The following ST8SIA5 variants were observed in gnomAD, a reference collection of about 807,000 sequenced individuals.
ST8SIA5 encodes the protein alpha-2,8-sialyltransferase 8E.
ST8SIA5 carries 24 observed loss-of-function variants against 40.2 expected under a neutral mutation model. That is an observed-to-expected ratio of 0.60 (90% CI 0.43 to 0.84). The LOEUF (loss-of-function observed/expected upper bound fraction) is 0.84, where lower values mean the gene tolerates loss of function less well. ST8SIA5 is among the 40% of genes least tolerant of loss of function. The probability of loss-of-function intolerance (pLI) is 0.00; values close to 1 mark genes in which losing one functional copy is unlikely to be tolerated. For synonymous variants in ST8SIA5, 198 were observed against 201.8 expected (o/e 0.98, Z 0.16); for missense variants, 465 against 498.5 (o/e 0.93, Z 0.64).
intron 1 of ST8SIA5, among the ~76,000 whole-genome samples, chr18:46,706,074 C>T (rs923866285): frequency 1.3e-5 from 2 of 151,718 alleles, no homozygotes; most frequent in Non-Finnish European, 2.9e-5. Flanking sequence ...TAAAATAATA[C>T]TGTGATACTT....
At chr18:46,681,869 G>A (rs762398854) in intron 6 of ST8SIA5, 103 bp downstream of exon 6, 48 of 1,200,974 alleles carry the variant, frequency 4.0e-5, no homozygotes, top group Middle Eastern at 2.0e-4. Flanking sequence ...TACACTCACA[G>A]CCAGCACACC....
chr18:46,687,439 C>T (rs900493054), intron 4 of ST8SIA5, among the ~76,000 whole-genome samples: 9 of 152,262 alleles, frequency 5.9e-5, no homozygotes, highest in Admixed American at 2.0e-4. Context: ...TGGCCTTCAG[C>T]GGTCCATAGG....
At chr18:46,690,916 C>G (rs2039498997) in intron 3 of ST8SIA5, among the ~76,000 whole-genome samples, 1 of 152,118 alleles carries the variant, frequency 6.6e-6, no homozygotes, top group South Asian at 2.1e-4. Context: ...ATGCCTGGTC[C>G]ACTGCTGAGA....
At chr18:46,729,681 G>C (rs2039967339) in intron 1 of ST8SIA5, among the ~76,000 whole-genome samples, 1 of 152,224 alleles carries the variant, frequency 6.6e-6, no homozygotes, top group African/African-American at 2.4e-5. Flanking sequence ...CACAGGGGCT[G>C]TCCCCTGTCC....
Position 46,688,886 on chromosome 18 carries a change from G to A in ST8SIA5, c.345C>T (p.Ala115=). 6.2e-7 allele frequency: 1 copy of A among 1,614,088 alleles called. No individual in the cohort carries two copies. The highest frequency in any genetic ancestry group is 8.5e-7 in the Non-Finnish European group (1 of 1,179,976). The change falls in exon 4 of 7, where the codon GCC becomes GCT. Residue 115 remains alanine (A), a synonymous_variant. Transcript: ENST00000315087. ...TGTTCTTCTGGGTGGTGAAGAGAAA[G>A]GCAGGGGCGTTGCAGCACCTGGACA... ...STLSRCCNAP[A]FLFTTQKNTP...
At chr18:46,752,382 G>A (rs970311441) in intron 1 of ST8SIA5, among the ~76,000 whole-genome samples, 5 of 152,162 alleles carry the variant, frequency 3.3e-5, no homozygotes, top group Non-Finnish European at 7.3e-5. Flanking sequence ...CACTTAAAGA[G>A]TAAATCTGCA....
intron 2 of ST8SIA5, among the ~76,000 whole-genome samples, chr18:46,701,895 C>G (rs373899715): frequency 2.0e-5 from 3 of 152,116 alleles, no homozygotes; most frequent in East Asian, 1.9e-4. Context: ...CGCCTGTAAT[C>G]CCAGCACTTT....
chr18:46,707,316 A>G (rs2039679249), intron 1 of ST8SIA5, among the ~76,000 whole-genome samples: 1 of 152,242 alleles, frequency 6.6e-6, no homozygotes. Flanking sequence ...ACTTGCAGAC[A>G]CATCTCGGAT....
intron 2 of ST8SIA5, among the ~76,000 whole-genome samples, chr18:46,696,350 G>A (rs1213435930): frequency 6.6e-6 from 1 of 152,082 alleles, no homozygotes; most frequent in Non-Finnish European, 1.5e-5. Context: ...CAGGCCCCTA[G>A]AGCAGCCCCC....
chr18:46,705,056 C>T (rs756460916), intron 1 of ST8SIA5, among the ~76,000 whole-genome samples: 2 of 152,224 alleles, frequency 1.3e-5, no homozygotes, highest in Non-Finnish European at 2.9e-5. Context: ...ACTGGGAGTC[C>T]GACAGTGAGC....
chr18:46,698,710 T>C (rs551272112), intron 2 of ST8SIA5, among the ~76,000 whole-genome samples: 14 of 152,282 alleles, frequency 9.2e-5, no homozygotes, highest in Admixed American at 9.2e-4. Flanking sequence ...AAAGAAGCTA[T>C]AGGTTCTAAG....
chr18:46,735,818 G>A (rs1253235100), intron 1 of ST8SIA5, among the ~76,000 whole-genome samples: 1 of 151,544 alleles, frequency 6.6e-6, no homozygotes, highest in Non-Finnish European at 1.5e-5. Flanking sequence ...TCACTCTGCT[G>A]CCCAGGCTAG....
chr18:46,730,197 A>T, intron 1 of ST8SIA5: 2 of 985,270 alleles, frequency 2.0e-6, no homozygotes, highest in South Asian at 4.7e-5. Context: ...ATCCAAGCAG[A>T]TGACTCACCT....
At chr18:46,695,186 A>T (rs928533688) in intron 2 of ST8SIA5, among the ~76,000 whole-genome samples, 4 of 151,598 alleles carry the variant, frequency 2.6e-5, no homozygotes, top group East Asian at 1.9e-4. Context: ...AACCCTTTTT[A>T]AAAAAAGGGT....
At chr18:46,695,574 A>G (rs2039549611) in intron 2 of ST8SIA5, among the ~76,000 whole-genome samples, 2 of 152,212 alleles carry the variant, frequency 1.3e-5, no homozygotes, top group South Asian at 2.1e-4. Flanking sequence ...TCCAGTACAT[A>G]TAAGTTATTA....
Position 46,672,382 on chromosome 18 carries a change from T to G in ST8SIA5, c.*7660A>C, listed in dbSNP as rs1372258789. On this transcript the variant is annotated 3_prime_UTR_variant, in exon 7 of 7. Coordinates refer to ENST00000315087, the MANE Select transcript of ST8SIA5 (RefSeq NM_013305.6). ...AGTAAAGGACCTGGCTTGGGGATTA[T>G]TTTATAAAGACTTCCAGGTGATTCC... 3 of 152,166 alleles carry G rather than the reference T, an allele frequency of 2.0e-5. No individual in the cohort carries two copies. The highest frequency in any genetic ancestry group is 3.9e-4 in the East Asian group (2 of 5,192). 9.4% of individuals were successfully genotyped at this position (152,166 alleles called of 1,614,324 possible). A position where few individuals can be genotyped will look rare whatever the true frequency, so the allele number is the denominator to read the frequency against.
chr18:46,689,598 G>A (rs2039483452), intron 3 of ST8SIA5, among the ~76,000 whole-genome samples: 2 of 147,982 alleles, frequency 1.4e-5, no homozygotes, highest in South Asian at 2.1e-4. Context: ...TTTTGAGACA[G>A]GGTCTCACTC....
chr18:46,731,489 C>T (rs542626111), intron 1 of ST8SIA5, among the ~76,000 whole-genome samples: 8 of 152,358 alleles, frequency 5.3e-5, no homozygotes, highest in African/African-American at 1.7e-4. Context: ...ACCTCCCTCT[C>T]GCCCCAGCAG....
At chr18:46,688,970 T>C (rs773984548) in intron 3 of ST8SIA5, 51 bp from the exon 4 acceptor site, 1 of 1,578,156 alleles carries the variant, frequency 6.3e-7, no homozygotes, top group Non-Finnish European at 8.6e-7. Flanking sequence ...AAAGATGTGA[T>C]GGAGGGCAGA....
Sources: gnomAD v4.1 joint callset for allele counts (sites outside exome capture counted in the v4.1 genomes callset) on GRCh38, gnomAD v4.1.1 for gene constraint, MANE v1.5 for transcripts, NCBI Gene and HGNC (gene_info 2026-07-23, HGNC 2026-07-21) for gene names.